Variants in SIMC1 observed in about 807,000 individuals in gnomAD.
SIMC1 encodes SUMO-interacting motif-containing protein 1.
Under a neutral mutation model 82.3 loss-of-function variants are expected in SIMC1, and 55 were observed. That is an observed-to-expected ratio of 0.67 (90% CI 0.54 to 0.84). SIMC1 has a LOEUF of 0.84. SIMC1 is among the 40% of genes least tolerant of loss of function. SIMC1 has a pLI of 0.00. For synonymous variants in SIMC1, 353 were observed against 426.3 expected (o/e 0.83, Z 2.12); for missense variants, 915 against 1,107.2 (o/e 0.83, Z 2.46).
At chr5:176,344,094 G>T (rs545898118) in intron 9 of SIMC1, among the ~76,000 whole-genome samples, 1 of 152,228 alleles carries the variant, frequency 6.6e-6, no homozygotes, top group East Asian at 1.9e-4. Flanking sequence ...ACCACAGCCT[G>T]CCATGAAACT....
intron 1 of SIMC1, among the ~76,000 whole-genome samples, chr5:176,242,183 C>T (rs1261496186): frequency 6.6e-6 from 1 of 152,000 alleles, no homozygotes; most frequent in African/African-American, 2.4e-5. Flanking sequence ...ACAGCAGCAG[C>T]AGATGTCTGT....
At chr5:176,277,935 CTT>C in intron 1 of SIMC1, among the ~76,000 whole-genome samples, 1 of 149,132 alleles carries the variant, frequency 6.7e-6, no homozygotes, top group Middle Eastern at 3.4e-3. Flanking sequence ...GATGTGGGCT[CTT>C]TTTTGGTTCC....
intron 9 of SIMC1, among the ~76,000 whole-genome samples, chr5:176,343,378 T>G (rs968323840): frequency 2.6e-5 from 4 of 152,222 alleles, no homozygotes; most frequent in Non-Finnish European, 4.4e-5. Context: ...TCCCCAGAAC[T>G]CTCTCAATAC....
chr5:176,321,745 G>A (rs1023312198), intron 5 of SIMC1, among the ~76,000 whole-genome samples: 2 of 152,260 alleles, frequency 1.3e-5, no homozygotes, highest in Admixed American at 6.5e-5. Context: ...GAGCTGGCAA[G>A]GACTTCTGTG....
chr5:176,247,004 A>G (rs1761472646), intron 1 of SIMC1, among the ~76,000 whole-genome samples: 1 of 152,116 alleles, frequency 6.6e-6, no homozygotes, highest in African/African-American at 2.4e-5. Flanking sequence ...TTATGCGTCT[A>G]TCATTGATGG....
intron 3 of SIMC1, among the ~76,000 whole-genome samples, chr5:176,295,643 G>T (rs1561703533): frequency 6.7e-6 from 1 of 148,966 alleles, no homozygotes; most frequent in South Asian, 2.2e-4. Context: ...GGGGCCGCAT[G>T]TGGTAGCCTC....
intron 1 of SIMC1, among the ~76,000 whole-genome samples, chr5:176,243,149 A>G (rs1429750452): frequency 6.6e-6 from 1 of 152,150 alleles, no homozygotes; most frequent in African/African-American, 2.4e-5. Flanking sequence ...AAATAAGAGA[A>G]CAGTATAATA....
intron 5 of SIMC1, among the ~76,000 whole-genome samples, chr5:176,315,715 A>T (rs1276504059): frequency 6.6e-6 from 1 of 152,156 alleles, no homozygotes; most frequent in Non-Finnish European, 1.5e-5. Context: ...ACGTTTCGTT[A>T]TGTTTTGGGC....
chr5:176,298,415 C>T (rs562295189), intron 4 of SIMC1, among the ~76,000 whole-genome samples: 18 of 152,274 alleles, frequency 1.2e-4, no homozygotes, highest in Middle Eastern at 6.8e-3. Context: ...GGGAGTATCA[C>T]CTGAGGTCGG....
Position 176,329,424 on chromosome 5 carries a change from T to G in SIMC1, c.2171+4667T>G, listed in dbSNP as rs905830518. 5.5e-5 allele frequency among the ~76,000 whole-genome samples: 8 copies of G among 145,192 alleles called. No homozygotes were observed. In the South Asian group the frequency reaches 6.4e-4, roughly 12 times the overall value. The stretch of plus-strand genomic sequence containing the variant: ...AGGCGGAGCTTGCAGTGAGCAGAGA[T>G]AGAGATAGTGCAACTGCAGTCCAGC... On this transcript the variant is annotated intron_variant, in intron 7 of 9. Transcript: ENST00000429602.
chr5:176,314,361 C>T (rs957156378), intron 5 of SIMC1, among the ~76,000 whole-genome samples: 1 of 152,236 alleles, frequency 6.6e-6, no homozygotes, highest in Non-Finnish European at 1.5e-5. Flanking sequence ...GCAGGCACCA[C>T]ATAGCTTGAA....
intron 1 of SIMC1, among the ~76,000 whole-genome samples, chr5:176,287,072 G>T (rs866035346): frequency 6.6e-6 from 1 of 152,140 alleles, no homozygotes; most frequent in Admixed American, 6.5e-5. Context: ...ACAGTGTGGC[G>T]ATTCCTCAAG....
chr5:176,313,890 A>T, intron 5 of SIMC1, 45 bp downstream of exon 5: 6 of 1,606,876 alleles, frequency 3.7e-6, no homozygotes, highest in African/African-American at 1.3e-5. Context: ...GTAAGGGATT[A>T]TAGGTGGGCA....
rs1316282301 is a variant in SIMC1, at chr5:176,290,307, AACTC to A, written c.786_789del (p.Pro264LeufsTer92). ...CCATGCAGTGCCAACTACCAGCTCT[AACTC>A]ACCCACCTCAAGAAGTGCCATGCCC... On this transcript the variant is annotated frameshift_variant, in exon 2 of 10. Coordinates refer to ENST00000429602, the MANE Select transcript of SIMC1 (RefSeq NM_001308195.2). LOFTEE classifies it high-confidence loss of function. 5.6e-6 allele frequency: 9 copies of A among 1,613,402 alleles called. No individual in the cohort carries two copies. The highest frequency in any genetic ancestry group is 2.2e-5 in the South Asian group (2 of 91,072).
intron 5 of SIMC1, among the ~76,000 whole-genome samples, chr5:176,319,355 C>T (rs1294689443): frequency 6.6e-6 from 1 of 151,880 alleles, no homozygotes; most frequent in Non-Finnish European, 1.5e-5. Context: ...TTTATTTTTT[C>T]TCTGTGTCTT....
At chr5:176,308,529 T>C (rs1301713662) in intron 4 of SIMC1, 1 of 1,604,686 alleles carries the variant, frequency 6.2e-7, no homozygotes, top group African/African-American at 1.3e-5. Flanking sequence ...TATTTTTTCC[T>C]GTTTCATAGA....
intron 1 of SIMC1, among the ~76,000 whole-genome samples, chr5:176,250,124 G>A (rs1761600368): frequency 6.6e-6 from 1 of 152,074 alleles, no homozygotes; most frequent in African/African-American, 2.4e-5. Context: ...TTGTGTCTTT[G>A]TTCTCCTTGG....
chr5:176,338,464 G>T (rs1319396541), intron 9 of SIMC1, among the ~76,000 whole-genome samples: 2 of 152,108 alleles, frequency 1.3e-5, no homozygotes, highest in Non-Finnish European at 1.5e-5. Flanking sequence ...GCAGGGCAAG[G>T]CTGTAGTACA....
chr5:176,301,648 A>G (rs368774278), intron 4 of SIMC1, among the ~76,000 whole-genome samples: 1 of 152,068 alleles, frequency 6.6e-6, no homozygotes, highest in African/African-American at 2.4e-5. Flanking sequence ...GTATGGTGGC[A>G]TGCACCTGAA....
Sources: gnomAD v4.1 joint callset for allele counts (sites outside exome capture counted in the v4.1 genomes callset) on GRCh38, gnomAD v4.1.1 for gene constraint, MANE v1.5 for transcripts, NCBI Gene and HGNC (gene_info 2026-07-23, HGNC 2026-07-21) for gene names.